The following ABCA12 variants were observed in gnomAD, a reference collection of about 807,000 sequenced individuals.
ABCA12 encodes ATP binding cassette subfamily A member 12.
A neutral mutation model predicts 293.5 loss-of-function variants in ABCA12; 156 were observed. The ratio of observed to expected loss-of-function variants is 0.53; its 90% CI spans 0.47 to 0.61. The LOEUF is 0.61. Ranked by LOEUF, ABCA12 falls within the 20% of genes least tolerant of loss-of-function variation. The pLI, the probability that ABCA12 is intolerant of heterozygous loss-of-function variation, is 0.00. For synonymous variants in ABCA12, 1,063 were observed against 1,108.0 expected (o/e 0.96, Z 0.81); for missense variants, 2,797 against 3,090.2 (o/e 0.91, Z 2.25).
At chr2:215,005,022 C>T (rs904677668) in intron 19 of ABCA12, among the ~76,000 whole-genome samples, 1 of 152,168 alleles carries the variant, frequency 6.6e-6, no homozygotes, top group African/African-American at 2.4e-5. Flanking sequence ...GAAGACATAA[C>T]TTCTATCACT....
chr2:214,965,638 C>T (rs984385946), intron 39 of ABCA12, among the ~76,000 whole-genome samples: 1 of 152,100 alleles, frequency 6.6e-6, no homozygotes, highest in Admixed American at 6.5e-5. Flanking sequence ...AAAAGCTCAA[C>T]ATCACTCATC....
chr2:215,046,050 G>T (rs1178042598), intron 6 of ABCA12, 35 bp from the exon 7 acceptor site: 2 of 1,598,326 alleles, frequency 1.3e-6, no homozygotes, highest in African/African-American at 2.7e-5. Flanking sequence ...AGCAAAATGA[G>T]ACTTTAACAT....
At chr2:214,935,355 C>T (rs1032242902) in intron 51 of ABCA12, among the ~76,000 whole-genome samples, 1 of 152,196 alleles carries the variant, frequency 6.6e-6, no homozygotes, top group Non-Finnish European at 1.5e-5. Context: ...AATGTAATTT[C>T]ATCACTCAGT....
intron 11 of ABCA12, 86 bp downstream of exon 11, chr2:215,025,587 G>T: frequency 1.2e-6 from 1 of 821,820 alleles, no homozygotes; most frequent in East Asian, 2.6e-5. Flanking sequence ...CAAATATTAT[G>T]AGAAGTGTTA....
At chr2:214,952,912 G>C (rs970682136) in intron 44 of ABCA12, among the ~76,000 whole-genome samples, 22 of 151,702 alleles carry the variant, frequency 1.5e-4, no homozygotes, top group Non-Finnish European at 3.2e-4. Flanking sequence ...TCCTCTCATT[G>C]TTTACTTAAC....
intron 8 of ABCA12, among the ~76,000 whole-genome samples, chr2:215,035,082 T>G (rs1459442788): frequency 6.6e-6 from 1 of 152,230 alleles, no homozygotes; most frequent in African/African-American, 2.4e-5. Flanking sequence ...GCTGTTGAAC[T>G]GTAGTCACTA....
chr2:215,086,105 C>T (rs766625731), intron 2 of ABCA12, among the ~76,000 whole-genome samples: 5 of 152,274 alleles, frequency 3.3e-5, no homozygotes, highest in South Asian at 2.1e-4. Context: ...ACATTTATTG[C>T]GCACCAACTA....
rs1412427491 is a variant in ABCA12, at chr2:215,061,037, A to G, written c.317+3029T>C. Among the ~76,000 whole-genome samples the G allele has an allele frequency of 2.6e-5, 4 of 152,056 alleles. No homozygotes were observed. In the East Asian group the frequency reaches 7.7e-4, roughly 29 times the overall value. On this transcript the variant is annotated intron_variant, in intron 3 of 52. Coordinates refer to ENST00000272895, the MANE Select transcript of ABCA12 (RefSeq NM_173076.3). ...AGGGGATGATCTTTGCTATTCGCCA[A>G]CTGTGTGAGCAATGGCACATGGCCA...
chr2:215,036,653 G>A (rs944613386), intron 8 of ABCA12, among the ~76,000 whole-genome samples: 1 of 152,004 alleles, frequency 6.6e-6, no homozygotes, highest in Non-Finnish European at 1.5e-5. Flanking sequence ...GGTAGAAATC[G>A]ATTTGTTGAG....
chr2:214,956,613 G>T, intron 42 of ABCA12, 50 bp downstream of exon 42: 1 of 1,327,866 alleles, frequency 7.5e-7, no homozygotes, highest in Non-Finnish European at 1.1e-6. Flanking sequence ...TTGTGTCTAG[G>T]GGCATTTAAT....
chr2:214,988,295 T>G (rs892898755), intron 26 of ABCA12, among the ~76,000 whole-genome samples: 3 of 152,232 alleles, frequency 2.0e-5, no homozygotes, highest in Non-Finnish European at 4.4e-5. Flanking sequence ...GCTGTTGGCC[T>G]ACTTGTCTTA....
chr2:215,090,172 A>T (rs1575037023), intron 2 of ABCA12, among the ~76,000 whole-genome samples: 1 of 152,252 alleles, frequency 6.6e-6, no homozygotes, highest in African/African-American at 2.4e-5. Flanking sequence ...CCCAAATCCT[A>T]TAAAACTGCC....
intron 2 of ABCA12, chr2:215,075,615 C>A (rs1274973368): frequency 4.4e-6 from 3 of 684,944 alleles, no homozygotes; most frequent in South Asian, 1.6e-5. Context: ...GTAGAAGAAT[C>A]CCCTGTAAAA....
In ABCA12 at chr2:214,944,594, G is replaced by A. The variant is rs367682577; in HGVS notation, c.7343+407C>T. ...GACTGAGCATTTAGATGAGGCCATA[G>A]AATGGAGAGCCTTGCATGTTGAGCC... On this transcript the variant is annotated intron_variant, in intron 49 of 52. Coordinates refer to ENST00000272895, the MANE Select transcript of ABCA12 (RefSeq NM_173076.3). Among the ~76,000 whole-genome samples, 10 of 152,086 alleles carry A rather than the reference G, an allele frequency of 6.6e-5. No homozygotes were observed. The South Asian group carries it at 2.1e-3, about 32-fold the overall frequency.
intron 49 of ABCA12, among the ~76,000 whole-genome samples, chr2:214,944,196 G>C (rs1368396131): frequency 1.3e-5 from 2 of 151,936 alleles, no homozygotes; most frequent in Non-Finnish European, 2.9e-5. Context: ...TGTATCATTT[G>C]AGGTCAGGAA....
At chr2:214,974,086 T>C (rs747624166) in intron 35 of ABCA12, 44 bp from the exon 36 acceptor site, 1 of 1,514,048 alleles carries the variant, frequency 6.6e-7, no homozygotes, top group Non-Finnish European at 9.2e-7. Flanking sequence ...TATGTATATG[T>C]GTTCTCATGT....
chr2:215,034,203 TGTGTAGCAA>T (rs1700942544), intron 8 of ABCA12, among the ~76,000 whole-genome samples: 1 of 152,154 alleles, frequency 6.6e-6, no homozygotes, highest in African/African-American at 2.4e-5. Context: ...GTGTATTAAC[TGTGTAGCAA>T]GGATCCTAGC....
chr2:214,994,541 G>T (rs902886040), intron 23 of ABCA12, among the ~76,000 whole-genome samples: 1 of 152,192 alleles, frequency 6.6e-6, no homozygotes, highest in Non-Finnish European at 1.5e-5. Flanking sequence ...ATATTTACTT[G>T]AGAGCAATGT....
Position 214,997,681 on chromosome 2 carries a change from G to A in ABCA12, c.3294+14C>T. On this transcript the variant is annotated intron_variant, in intron 23 of 52. Transcript: ENST00000272895. The stretch of plus-strand genomic sequence containing the variant: ...ACAGGACTTATTCATAACAAGAAGT[G>A]ATTTTCAACATACCTCATGAAGCCG... 1 of 1,548,496 alleles carries A rather than the reference G, an allele frequency of 6.5e-7. No individual in the cohort carries two copies. The highest frequency in any genetic ancestry group is 1.4e-5 in the African/African-American group (1 of 73,570).
Sources: gnomAD v4.1 joint callset for allele counts (sites outside exome capture counted in the v4.1 genomes callset) on GRCh38, gnomAD v4.1.1 for gene constraint, MANE v1.5 for transcripts, NCBI Gene and HGNC (gene_info 2026-07-23, HGNC 2026-07-21) for gene names.